CCDC15: variants seen among roughly 807,000 people sequenced by gnomAD.
The protein encoded by CCDC15 is coiled-coil domain containing 15.
A neutral mutation model predicts 114.5 loss-of-function variants in CCDC15; 105 were observed. That is an observed-to-expected ratio of 0.92 (90% CI 0.78 to 1.08). The LOEUF (loss-of-function observed/expected upper bound fraction) is 1.08. Ranked by LOEUF, CCDC15 falls within the 50% of genes least tolerant of loss-of-function variation. CCDC15 has a pLI of 0.00. For synonymous variants in CCDC15, 334 were observed against 377.8 expected (o/e 0.88, Z 1.34); for missense variants, 1,105 against 1,093.6 (o/e 1.01, Z -0.15).
intron 11 of CCDC15, among the ~76,000 whole-genome samples, chr11:124,999,040 A>ATCTC (rs929426764): frequency 6.6e-6 from 1 of 151,946 alleles, no homozygotes; most frequent in African/African-American, 2.4e-5. Context: ...CCCGGCCGAG[A>ATCTC]GTCTCTACTT....
At chr11:124,990,188 A>G (rs1281423855) in intron 8 of CCDC15, among the ~76,000 whole-genome samples, 1 of 152,192 alleles carries the variant, frequency 6.6e-6, no homozygotes, top group Admixed American at 6.5e-5. Context: ...GTCTCAGTGA[A>G]TAGGGAGGCC....
At chr11:125,039,670 A>C (rs141542582) in intron 15 of CCDC15, 38 of 152,326 alleles carry the variant, frequency 2.5e-4, no homozygotes, top group African/African-American at 9.1e-4. Context: ...CTAGTGCTTC[A>C]TCTGTATAAT....
rs111966038 is a variant in CCDC15 at position 124,987,756 on chromosome 11, G to C, written c.1530G>C (p.Leu510Phe). 7 of 1,604,718 alleles carry C rather than the reference G, an allele frequency of 4.4e-6. No homozygotes were observed. In the African/African-American group the frequency reaches 7.0e-5, roughly 16 times the overall value. ...QNFLPKDQNF[L>F]SRDQHVLPKD... Reference sequence around the variant, plus strand: ...TTCTACCTAAGGACCAGAATTTTTTGTCTAGAGACCAGCATGTTCTCCCCA... The same window carrying C: ...TTCTACCTAAGGACCAGAATTTTTTCTCTAGAGACCAGCATGTTCTCCCCA... Residue 510 changes from leucine (L) to phenylalanine (F), a missense_variant, in exon 8 of 16, where the codon TTG (leucine) becomes TTC (phenylalanine). Leu to Phe is a conservative substitution (Grantham distance 22). Coordinates refer to ENST00000344762, the MANE Select transcript of CCDC15 (RefSeq NM_025004.3).
At chr11:124,997,499 C>T (rs1379989054) in intron 11 of CCDC15, among the ~76,000 whole-genome samples, 1 of 151,860 alleles carries the variant, frequency 6.6e-6, no homozygotes, top group Non-Finnish European at 1.5e-5. Flanking sequence ...GTGATGCCTA[C>T]TCTGGTCTTG....
rs1162600848 is a variant in CCDC15 at position 124,959,845 on chromosome 11, T to C, written c.358T>C (p.Ser120Pro). 1 of 1,602,818 alleles carries C rather than the reference T, an allele frequency of 6.2e-7. No homozygotes were observed. The highest frequency in any genetic ancestry group is 8.5e-7 in the Non-Finnish European group (1 of 1,174,084). Residue 120 changes from serine to proline, a missense_variant, in exon 4 of 16, where the codon TCT becomes CCT. Transcript: ENST00000344762. Reference protein sequence around the residue: ...AQKEGSIAMQSSATHLTSKRT... With the variant: ...AQKEGSIAMQPSATHLTSKRT... The stretch of plus-strand genomic sequence containing the variant: ...AAAAGAAGGCTCCATAGCCATGCAG[T>C]CTTCAGCAACACACTTAACTTCCAA...
At chr11:124,977,626 G>A (rs781394049) in intron 6 of CCDC15, 26 bp downstream of exon 6, 1 of 1,591,694 alleles carries the variant, frequency 6.3e-7, no homozygotes, top group Non-Finnish European at 8.5e-7. Flanking sequence ...AAGTAGAGGG[G>A]AAAGACATTG....
chr11:124,956,544 C>T (rs1463853138), intron 2 of CCDC15, among the ~76,000 whole-genome samples: 1 of 152,116 alleles, frequency 6.6e-6, no homozygotes, highest in Admixed American at 6.5e-5. Flanking sequence ...AAGTTGTTGA[C>T]ACCTCTTTGT....
At position 124,992,668 on chromosome 11, in the gene CCDC15, A is replaced by G; in HGVS notation, c.2120A>G (p.Gln707Arg). The G allele has an allele frequency of 6.3e-7, 1 of 1,585,038 alleles. No homozygotes were observed. Among genetic ancestry groups the G allele is most frequent in the Non-Finnish European group, 8.6e-7 (1 of 1,161,984 alleles). The part of the protein sequence containing the change: ...HQYVVPKIQD[Q>R]DSPREQNKHI... Reference sequence around the variant, plus strand: ...TATGTTGTACCTAAAATCCAGGACCAAGACTCCCCTAGAGAACAGGTAGAA... The same window carrying G: ...TATGTTGTACCTAAAATCCAGGACCGAGACTCCCCTAGAGAACAGGTAGAA... Residue 707 changes from glutamine (Q) to arginine (R), a missense_variant, in exon 10 of 16, where the codon CAA becomes CGA. Transcript: ENST00000344762.
intron 4 of CCDC15, among the ~76,000 whole-genome samples, chr11:124,970,188 C>A (rs1050784081): frequency 6.6e-6 from 1 of 152,160 alleles, no homozygotes; most frequent in Non-Finnish European, 1.5e-5. Context: ...CCGTTAGCCT[C>A]TTTTTTCCAG....
intron 13 of CCDC15, among the ~76,000 whole-genome samples, chr11:125,018,390 T>C (rs1485855548): frequency 1.3e-5 from 2 of 152,072 alleles, no homozygotes; most frequent in African/African-American, 2.4e-5. Context: ...TCTAGGTTTG[T>C]GGAAGGACAC....
Position 125,040,847 on chromosome 11 carries a change from T to A in CCDC15, c.*136T>A. 1 of 777,408 alleles carries A rather than the reference T, an allele frequency of 1.3e-6. No individual in the cohort carries two copies. 48.2% of individuals were successfully genotyped at this position (777,408 alleles called of 1,614,324 possible). On this transcript the variant is annotated 3_prime_UTR_variant, in exon 16 of 16. Transcript: ENST00000344762. ...ACTGTCTCATATAATAATTAGATTG[T>A]AATCATTGTTTTAATCTCTGTCTGG...
intron 13 of CCDC15, among the ~76,000 whole-genome samples, chr11:125,015,312 T>C (rs185261443): frequency 1.3e-3 from 197 of 152,226 alleles, no homozygotes; most frequent in Non-Finnish European, 2.3e-3. Flanking sequence ...TTGGTTCTTT[T>C]AAAAATTTTG....
intron 11 of CCDC15, among the ~76,000 whole-genome samples, chr11:125,001,050 A>G (rs1190514224): frequency 2.6e-5 from 4 of 152,334 alleles, no homozygotes; most frequent in East Asian, 1.9e-4. Flanking sequence ...TATTTTTTCC[A>G]TAAGGTACAC....
chr11:125,025,874 AGTTT>A (rs1434427936), intron 13 of CCDC15, among the ~76,000 whole-genome samples: 1 of 152,016 alleles, frequency 6.6e-6, no homozygotes, highest in African/African-American at 2.4e-5. Context: ...AAGATTAGTT[AGTTT>A]TATTCATCTC....
chr11:124,980,781 G>A lies in CCDC15; in HGVS notation c.753+3181G>A, dbSNP rs141974909. Among the ~76,000 whole-genome samples, 725 of 152,144 alleles carry A rather than the reference G, an allele frequency of 4.8e-3. 6 individuals carry two copies. The highest frequency in any genetic ancestry group is 8.7e-3 in the Non-Finnish European group (592 of 67,964). ...TTTTTATCAGTTCAGCCCTGATTTT[G>A]GTTAGTTCATGTCTTCTGCTAGCTT... On this transcript the variant is annotated intron_variant, in intron 6 of 15. Transcript: ENST00000344762.
At chr11:124,963,860 T>G (rs747937609) in intron 4 of CCDC15, among the ~76,000 whole-genome samples, 4 of 152,234 alleles carry the variant, frequency 2.6e-5, no homozygotes, top group Non-Finnish European at 5.9e-5. Context: ...TTTCTACATA[T>G]GGCTAGCCAG....
chr11:124,981,910 C>T (rs539231773), intron 6 of CCDC15, among the ~76,000 whole-genome samples: 1 of 152,252 alleles, frequency 6.6e-6, no homozygotes, highest in East Asian at 1.9e-4. Flanking sequence ...CATGAGCCAT[C>T]GCAGCTGGCC....
chr11:125,012,441 C>A (rs1170846595), intron 13 of CCDC15, among the ~76,000 whole-genome samples: 1 of 152,140 alleles, frequency 6.6e-6, no homozygotes, highest in African/African-American at 2.4e-5. Flanking sequence ...AAATTCATTC[C>A]TTTTCTTGAA....
intron 8 of CCDC15, among the ~76,000 whole-genome samples, chr11:124,988,749 CAGT>C (rs1459836545): frequency 6.6e-6 from 1 of 152,184 alleles, no homozygotes; most frequent in Non-Finnish European, 1.5e-5. Context: ...ACAATGTTCA[CAGT>C]AGATTCCATC....
Sources: gnomAD v4.1 joint callset for allele counts (sites outside exome capture counted in the v4.1 genomes callset) on GRCh38, gnomAD v4.1.1 for gene constraint, MANE v1.5 for transcripts, NCBI Gene and HGNC (gene_info 2026-07-23, HGNC 2026-07-21) for gene names.